Variants in EGFR observed in about 807,000 individuals in gnomAD.
The protein encoded by EGFR is avian erythroblastic leukemia viral (v-erb-b) oncogene homolog.
EGFR carries 58 observed loss-of-function variants against 143.0 expected under a neutral mutation model. That is an observed-to-expected ratio of 0.41 (90% CI 0.33 to 0.50). The LOEUF is 0.50. EGFR is among the 20% of genes least tolerant of loss of function. The probability of loss-of-function intolerance (pLI) is 0.39; values close to 1 mark genes in which losing one functional copy is unlikely to be tolerated. For synonymous variants in EGFR, 613 were observed against 594.4 expected (o/e 1.03, Z -0.45); for missense variants, 1,307 against 1,579.0 (o/e 0.83, Z 2.92).
chr7:55,040,281 G>A (rs573659452), intron 1 of EGFR, among the ~76,000 whole-genome samples: 48 of 152,186 alleles, frequency 3.2e-4, no homozygotes, highest in African/African-American at 1.0e-3. Context: ...TAAACTTTCT[G>A]CAGAATGACA....
intron 1 of EGFR, among the ~76,000 whole-genome samples, chr7:55,120,786 T>TA (rs1793155462): frequency 6.6e-6 from 1 of 152,220 alleles, no homozygotes; most frequent in East Asian, 1.9e-4. Context: ...ATATTCCTAT[T>TA]TTTAATTGTA....
Position 55,205,452 on chromosome 7 carries a change from C to T in EGFR, c.3468C>T (p.His1156=), listed in dbSNP as rs1278869302. 1 of 1,614,210 alleles carries T rather than the reference C, an allele frequency of 6.2e-7. No homozygotes were observed. Among genetic ancestry groups the T allele is most frequent in the East Asian group, 2.2e-5 (1 of 44,886 alleles). Residue 1156 remains histidine, a synonymous_variant, in exon 28 of 28, where the codon CAC becomes CAT. Transcript: ENST00000275493. The part of the protein sequence containing the change: ...CVNSTFDSPA[H]WAQKGSHQIS... ...ACAGCACATTCGACAGCCCTGCCCA[C>T]TGGGCCCAGAAAGGCAGCCACCAAA...
chr7:55,167,281 G>A (rs1314130842), intron 15 of EGFR, among the ~76,000 whole-genome samples: 6 of 136,066 alleles, frequency 4.4e-5, no homozygotes, highest in African/African-American at 1.5e-4. Context: ...GGTGATGGTG[G>A]TGAGGAGGTG....
intron 1 of EGFR, among the ~76,000 whole-genome samples, chr7:55,042,590 A>C (rs1787956802): frequency 6.6e-6 from 1 of 152,084 alleles, no homozygotes; most frequent in African/African-American, 2.4e-5. Flanking sequence ...TCCTCTGCAA[A>C]GGGGGTTAAT....
At chr7:55,201,983 C>A (rs1431624370) in intron 26 of EGFR, among the ~76,000 whole-genome samples, 4 of 2,180 alleles carry the variant, frequency 1.8e-3, no homozygotes, top group Non-Finnish European at 2.8e-3. Flanking sequence ...ATCGCCTGGC[C>A]TTGTTAGAAA....
At chr7:55,155,762 A>G (rs1584177217) in intron 7 of EGFR, 68 bp from the exon 8 acceptor site, 2 of 1,237,604 alleles carry the variant, frequency 1.6e-6, no homozygotes, top group South Asian at 2.4e-5. Context: ...GAGGACCTGG[A>G]CCGCCTGTGT....
At chr7:55,203,636 CAT>C (rs749857672) in intron 27 of EGFR, among the ~76,000 whole-genome samples, 5 of 143,760 alleles carry the variant, frequency 3.5e-5, no homozygotes, top group Non-Finnish European at 6.1e-5. Context: ...CTACACCACA[CAT>C]ACACACACAC....
At position 55,200,473 on chromosome 7, in the gene EGFR, A is replaced by G. The variant is rs1213303342; in HGVS notation, c.2946+60A>G. 6 of 1,527,384 alleles carry G rather than the reference A, an allele frequency of 3.9e-6. No individual in the cohort carries two copies. The East Asian group carries it at 1.4e-4, about 34-fold the overall frequency. The allele number at this position is 1,527,384 out of a possible 1,614,324, so 94.6% of individuals were successfully genotyped here. ...GTCCCTCTAATGAGCATCTCATGTCACTGTGTTCTGTCACATGCCAGCCTG... is the reference window on the plus strand; with the variant it reads ...GTCCCTCTAATGAGCATCTCATGTCGCTGTGTTCTGTCACATGCCAGCCTG... On this transcript the variant is annotated intron_variant, in intron 24 of 27. Transcript: ENST00000275493.
intron 1 of EGFR, among the ~76,000 whole-genome samples, chr7:55,088,199 T>C (rs1361847784): frequency 2.0e-5 from 3 of 151,938 alleles, no homozygotes; most frequent in Non-Finnish European, 4.4e-5. Context: ...CTCCCAGGAG[T>C]GTGAGAAGCA....
chr7:55,022,055 G>T (rs1170824807), intron 1 of EGFR, among the ~76,000 whole-genome samples: 1 of 152,192 alleles, frequency 6.6e-6, no homozygotes, highest in African/African-American at 2.4e-5. Flanking sequence ...TCATGACGAT[G>T]AGCCTGTCTG....
At chr7:55,204,568 TACACACCACAC>T (rs1415193853) in intron 27 of EGFR, among the ~76,000 whole-genome samples, 17 of 94,562 alleles carry the variant, frequency 1.8e-4, no homozygotes, top group South Asian at 3.5e-4. Context: ...ACCACACACA[TACACACCACAC>T]ACACACCACA....
In EGFR at chr7:55,139,272, A is replaced by G. The variant is rs200923410; in HGVS notation, c.89-3014A>G. 2.0e-5 allele frequency among the ~76,000 whole-genome samples: 3 copies of G among 152,338 alleles called. No homozygotes were observed. In the East Asian group the frequency reaches 5.8e-4, roughly 29 times the overall value. Reference sequence around the variant, plus strand: ...CTAAACAAAAACCTTATCTTAAATTAATTAAAAACCTCTTGCTCTTTGCAG... The same window carrying G: ...CTAAACAAAAACCTTATCTTAAATTGATTAAAAACCTCTTGCTCTTTGCAG... On this transcript the variant is annotated intron_variant, in intron 1 of 27. Coordinates refer to ENST00000275493, the MANE Select transcript of EGFR (RefSeq NM_005228.5).
In EGFR at chr7:55,205,576, C is replaced by G. The variant is rs142188270; in HGVS notation, c.3592C>G (p.Leu1198Val). 1 of 1,614,158 alleles carries G rather than the reference C, an allele frequency of 6.2e-7. No homozygotes were observed. Among genetic ancestry groups the G allele is most frequent in the Non-Finnish European group, 8.5e-7 (1 of 1,180,028 alleles). ...KGSTAENAEY[L>V]RVAPQSSEFI... ...CTCCACAGCTGAAAATGCAGAATAC[C>G]TAAGGGTCGCGCCACAAAGCAGTGA... The change falls in exon 28 of 28, where the codon CTA becomes GTA. Residue 1198 changes from leucine to valine, a missense_variant. Physicochemically the swap from Leu to Val is conservative, Grantham distance 32. Coordinates refer to ENST00000275493, the MANE Select transcript of EGFR (RefSeq NM_005228.5).
chr7:55,160,465 T>C (rs772735128), intron 12 of EGFR, 127 bp downstream of exon 12: 6 of 1,039,948 alleles, frequency 5.8e-6, no homozygotes, highest in Non-Finnish European at 8.3e-6. Context: ...CAAATTAAAA[T>C]CTTAAGATTC....
intron 1 of EGFR, among the ~76,000 whole-genome samples, chr7:55,107,593 G>C (rs964072133): frequency 1.3e-5 from 2 of 152,208 alleles, no homozygotes; most frequent in African/African-American, 4.8e-5. Context: ...CCAGCATCTT[G>C]CATGTCCCAA....
intron 1 of EGFR, among the ~76,000 whole-genome samples, chr7:55,131,896 G>A (rs1266013275): frequency 6.6e-6 from 1 of 150,578 alleles, no homozygotes; most frequent in South Asian, 2.1e-4. Flanking sequence ...GCCCAGTGCT[G>A]CAGAGGTCAA....
intron 22 of EGFR, among the ~76,000 whole-genome samples, chr7:55,198,165 A>C (rs1787697875): frequency 6.6e-6 from 1 of 152,050 alleles, no homozygotes; most frequent in African/African-American, 2.4e-5. Context: ...TTTATTACTG[A>C]TTCAATTTTG....
At chr7:55,202,433 T>C in intron 26 of EGFR, 84 bp from the exon 27 acceptor site, 1 of 1,188,840 alleles carries the variant, frequency 8.4e-7, no homozygotes, top group South Asian at 1.3e-5. Context: ...AACCAGCATC[T>C]CAAGGAGATC....
At chr7:55,062,839 G>A (rs1157879400) in intron 1 of EGFR, among the ~76,000 whole-genome samples, 2 of 152,002 alleles carry the variant, frequency 1.3e-5, no homozygotes, top group African/African-American at 4.8e-5. Flanking sequence ...CAAAGTTTGT[G>A]CAGCCCTTGC....
Sources: allele counts gnomAD v4.1 joint callset (sites outside exome capture counted in the v4.1 genomes callset), GRCh38; gene constraint gnomAD v4.1.1; transcripts MANE v1.5; gene names NCBI Gene and HGNC (gene_info 2026-07-23, HGNC 2026-07-21).